The following WARS2 variants were observed in gnomAD, a reference collection of about 807,000 sequenced individuals.
WARS2 encodes the protein tryptophanyl tRNA synthetase 2, mitochondrial, also known as tryptophan--tRNA ligase, mitochondrial.
A neutral mutation model predicts 36.5 loss-of-function variants in WARS2; 28 were observed. The ratio of observed to expected loss-of-function variants is 0.77; its 90% CI spans 0.57 to 1.05. The LOEUF is 1.05. WARS2 is among the 50% of genes least tolerant of loss of function. The probability of loss-of-function intolerance (pLI) is 0.00; values close to 1 mark genes in which losing one functional copy is unlikely to be tolerated. For synonymous variants in WARS2, 174 were observed against 178.4 expected, an observed-to-expected ratio of 0.98 and a Z score of 0.20; for missense variants, 435 against 456.8, an observed-to-expected ratio of 0.95 and a Z score of 0.44.
At chr1:119,067,262 AG>A (rs1650955550) in intron 2 of WARS2, among the ~76,000 whole-genome samples, 1 of 152,356 alleles carries the variant, frequency 6.6e-6, no homozygotes, top group South Asian at 2.1e-4. Flanking sequence ...AGGAATGATG[AG>A]TATCAAATCA....
At chr1:119,054,225 T>C (rs1448710143) in intron 2 of WARS2, among the ~76,000 whole-genome samples, 1 of 151,742 alleles carries the variant, frequency 6.6e-6, no homozygotes, top group Non-Finnish European at 1.5e-5. Context: ...GATTGAAAAA[T>C]GGGCAAAGGA....
At chr1:119,085,354 G>A (rs746309513) in intron 1 of WARS2, 1 of 1,360,694 alleles carries the variant, frequency 7.3e-7, no homozygotes, top group African/African-American at 1.4e-5. Flanking sequence ...TTGCTGCTGT[G>A]CTTCTTAGGG....
intron 1 of WARS2, among the ~76,000 whole-genome samples, chr1:119,117,395 G>C (rs587703271): frequency 6.6e-6 from 1 of 152,144 alleles, no homozygotes; most frequent in Non-Finnish European, 1.5e-5. Context: ...CCATGGCCCT[G>C]CCCATCACCT....
chr1:119,126,519 C>T, intron 1 of WARS2: 1 of 494,758 alleles, frequency 2.0e-6, no homozygotes, highest in South Asian at 2.3e-5. Context: ...TTTTATTTGC[C>T]ACTATTAAAA....
At chr1:119,101,839 T>C (rs1353392330) in intron 1 of WARS2, among the ~76,000 whole-genome samples, 1 of 152,122 alleles carries the variant, frequency 6.6e-6, no homozygotes, top group African/African-American at 2.4e-5. Context: ...CGCAGAACAA[T>C]GTGTGCTAGT....
intron 1 of WARS2, among the ~76,000 whole-genome samples, chr1:119,125,386 A>G (rs1465444672): frequency 6.6e-6 from 1 of 152,090 alleles, no homozygotes; most frequent in Non-Finnish European, 1.5e-5. Flanking sequence ...TCTCCATATC[A>G]CTATTATCTA....
Position 119,032,852 on chromosome 1 carries a change from G to T in WARS2, c.*59C>A. The T allele has an allele frequency of 6.8e-7, 1 of 1,474,620 alleles. No homozygotes were observed. The highest frequency in any genetic ancestry group is 9.2e-7 in the Non-Finnish European group (1 of 1,088,814). 91.3% of individuals were successfully genotyped at this position (1,474,620 alleles called of 1,614,324 possible). A position where few individuals can be genotyped will look rare whatever the true frequency, so the allele number is the denominator to read the frequency against. On this transcript the variant is annotated 3_prime_UTR_variant, in exon 6 of 6. Coordinates refer to ENST00000235521, the MANE Select transcript of WARS2 (RefSeq NM_015836.4). Reference sequence around the variant, plus strand: ...ACTTTTTCTTTTTAGGAAAGCTGCCGTTATCAGAATGCATGGAGTGCAAGG... The same window carrying T: ...ACTTTTTCTTTTTAGGAAAGCTGCCTTTATCAGAATGCATGGAGTGCAAGG...
intron 2 of WARS2, among the ~76,000 whole-genome samples, chr1:119,060,199 T>A (rs1046125147): frequency 2.0e-5 from 3 of 152,196 alleles, no homozygotes; most frequent in Non-Finnish European, 4.4e-5. Flanking sequence ...TGGGCTGCCA[T>A]AACAAAGTAC....
intron 2 of WARS2, chr1:119,064,558 G>A (rs1490772540): frequency 1.3e-5 from 2 of 152,210 alleles, no homozygotes; most frequent in African/African-American, 4.8e-5. Context: ...ACATGTTGTG[G>A]GAGGGACCCA....
chr1:119,101,151 A>G (rs66839660), intron 1 of WARS2, among the ~76,000 whole-genome samples: 11,828 of 152,190 alleles, frequency 0.078, 944 homozygotes, highest in East Asian at 0.21. Flanking sequence ...GTTTGGCAGC[A>G]GAGTAGGGTG....
At chr1:119,127,199 A>C (rs1655725298) in intron 1 of WARS2, 1 of 728,846 alleles carries the variant, frequency 1.4e-6, no homozygotes, top group Middle Eastern at 3.9e-4. Context: ...CTTTCACATC[A>C]TACCAATCCT....
intron 1 of WARS2, among the ~76,000 whole-genome samples, chr1:119,125,368 T>G (rs1655582789): frequency 1.3e-5 from 2 of 152,234 alleles, no homozygotes; most frequent in African/African-American, 4.8e-5. Context: ...TGCTTTGTTT[T>G]GTTTTATTCT....
chr1:119,036,002 C>T (rs570067227), intron 4 of WARS2, among the ~76,000 whole-genome samples: 4 of 152,160 alleles, frequency 2.6e-5, no homozygotes, highest in East Asian at 1.9e-4. Context: ...GTCGGGAGTT[C>T]GAGACTAGCC....
intron 2 of WARS2, among the ~76,000 whole-genome samples, chr1:119,074,311 T>G (rs1651553711): frequency 6.6e-6 from 1 of 152,144 alleles, no homozygotes; most frequent in Admixed American, 6.5e-5. Flanking sequence ...ACCTATACAG[T>G]AAGGACCTAC....
intron 2 of WARS2, among the ~76,000 whole-genome samples, chr1:119,073,963 A>C (rs1346511772): frequency 2.6e-5 from 4 of 152,260 alleles, no homozygotes; most frequent in Non-Finnish European, 5.9e-5. Context: ...TTTAAAAAGC[A>C]ATCTGGCAAG....
At position 119,074,483 on chromosome 1, in the gene WARS2, A is replaced by C. The variant is rs587641224; in HGVS notation, c.348+1867T>G. Among the ~76,000 whole-genome samples, 4 of 152,334 alleles carry C rather than the reference A, an allele frequency of 2.6e-5. No individual in the cohort carries two copies. The South Asian group carries it at 8.3e-4, about 32-fold the overall frequency. The stretch of plus-strand genomic sequence containing the variant: ...TTTGGTCAGTAAAAGCAAGTATTTT[A>C]TAGTAACTGGATCTGTCCAACGCTG... On this transcript the variant is annotated intron_variant, in intron 2 of 5. Transcript: ENST00000235521.
intron 1 of WARS2, chr1:119,140,000 T>C (rs1029292987): frequency 3.3e-5 from 5 of 152,240 alleles, no homozygotes; most frequent in African/African-American, 1.2e-4. Context: ...TTGCGGTCAC[T>C]CTTTCACAGC....
intron 1 of WARS2, among the ~76,000 whole-genome samples, chr1:119,123,603 A>AAC (rs61318006): frequency 0.31 from 46,114 of 151,088 alleles, 8,064 homozygotes; most frequent in East Asian, 0.73. Flanking sequence ...TGTGCATGCA[A>AAC]ACACACACAC....
chr1:119,109,254 T>C (rs1654457493), intron 1 of WARS2, among the ~76,000 whole-genome samples: 1 of 152,022 alleles, frequency 6.6e-6, no homozygotes, highest in Non-Finnish European at 1.5e-5. Context: ...TGTTGAGTTC[T>C]ATGGCCTTAC....
Sources: gnomAD v4.1 joint callset for allele counts (sites outside exome capture counted in the v4.1 genomes callset) on GRCh38, gnomAD v4.1.1 for gene constraint, MANE v1.5 for transcripts, NCBI Gene and HGNC (gene_info 2026-07-23, HGNC 2026-07-21) for gene names.